The following KHDRBS2 variants were observed in gnomAD, a reference collection of about 807,000 sequenced individuals.
The protein encoded by KHDRBS2 is KH RNA binding domain containing, signal transduction associated 2, also known as KH domain-containing, RNA-binding, signal transduction-associated protein 2.
A neutral mutation model predicts 44.3 loss-of-function variants in KHDRBS2; 26 were observed. That is an observed-to-expected ratio of 0.59 (90% CI 0.43 to 0.81). KHDRBS2 has a LOEUF of 0.81. Ranked by LOEUF, KHDRBS2 falls within the 40% of genes least tolerant of loss-of-function variation. The pLI is 0.00. For missense variants in KHDRBS2, 476 were observed against 433.1 expected (o/e 1.10, Z -0.88); for synonymous variants, 194 against 151.1 (o/e 1.28, Z -2.08).
intron 2 of KHDRBS2, among the ~76,000 whole-genome samples, chr6:62,120,838 C>T (rs139613836): frequency 1.3e-4 from 20 of 152,224 alleles, no homozygotes; most frequent in Middle Eastern, 3.4e-3. Context: ...GAGGAAGGAC[C>T]CCACTACATT....
chr6:62,180,188 G>T (rs1298678005), intron 1 of KHDRBS2, among the ~76,000 whole-genome samples: 1 of 151,830 alleles, frequency 6.6e-6, no homozygotes, highest in African/African-American at 2.4e-5. Context: ...ACTACTGGAA[G>T]ACCTAACCAG....
At chr6:62,054,606 A>C (rs1789846575) in intron 2 of KHDRBS2, among the ~76,000 whole-genome samples, 1 of 152,070 alleles carries the variant, frequency 6.6e-6, no homozygotes, top group Admixed American at 6.6e-5. Flanking sequence ...GGGTCAGAGA[A>C]GGAGATGTGA....
the KHDRBS2 span, among the ~76,000 whole-genome samples, chr6:61,599,797 TC>T: frequency 6.6e-6 from 1 of 152,160 alleles, no homozygotes; most frequent in Non-Finnish European, 1.5e-5. Flanking sequence ...CTGTTCCCAG[TC>T]CTTTCACACT....
chr6:61,973,779 T>C (rs1771923978), intron 4 of KHDRBS2, among the ~76,000 whole-genome samples: 2 of 152,196 alleles, frequency 1.3e-5, no homozygotes, highest in African/African-American at 2.4e-5. Context: ...AAGCCTGGCA[T>C]GGCAAAATTT....
intron 3 of KHDRBS2, among the ~76,000 whole-genome samples, chr6:62,014,490 T>A (rs1370986218): frequency 6.6e-6 from 1 of 152,150 alleles, no homozygotes; most frequent in Admixed American, 6.6e-5. Flanking sequence ...CCTGAAAGTA[T>A]AAACATAACA....
the KHDRBS2 span, among the ~76,000 whole-genome samples, chr6:61,559,962 A>T: frequency 6.6e-6 from 1 of 152,268 alleles, no homozygotes; most frequent in Non-Finnish European, 1.5e-5. Context: ...TTTCAGACTG[A>T]ATAACTCCAT....
chr6:62,165,172 C>G (rs1818412495), intron 2 of KHDRBS2, among the ~76,000 whole-genome samples: 1 of 151,408 alleles, frequency 6.6e-6, no homozygotes, highest in Non-Finnish European at 1.5e-5. Context: ...TCATTTCAAT[C>G]TTTTTTTGGA....
chr6:62,091,515 T>C (rs1366595413), intron 2 of KHDRBS2, among the ~76,000 whole-genome samples: 1 of 152,188 alleles, frequency 6.6e-6, no homozygotes, highest in Non-Finnish European at 1.5e-5. Flanking sequence ...ACAAGTTTCA[T>C]TTTCCTTTAA....
In KHDRBS2 at chr6:61,759,190, A is replaced by G. The variant is rs537974399; in HGVS notation, c.811-26426T>C. Among the ~76,000 whole-genome samples, 68 of 152,276 alleles carry G rather than the reference A, an allele frequency of 4.5e-4. 1 individual carries two copies. The South Asian group carries it at 0.013, about 30-fold the overall frequency. The stretch of plus-strand genomic sequence containing the variant: ...CAAAAGAGAAAATAAAACATTCTTA[A>G]CTAGACATCTGCTTGTATATACAGG... On this transcript the variant is annotated intron_variant, in intron 6 of 8. Transcript: ENST00000281156.
rs145162788 is a variant in KHDRBS2 at position 61,970,807 on chromosome 6, G to A, written c.483+7259C>T. Reference sequence around the variant, plus strand: ...TTCATGACCTTTTCACAAAGCTCTTGGAGCACTAAAAGCTGGAGACTGTAC... The same window carrying A: ...TTCATGACCTTTTCACAAAGCTCTTAGAGCACTAAAAGCTGGAGACTGTAC... On this transcript the variant is annotated intron_variant, in intron 4 of 8. Transcript: ENST00000281156. Among the ~76,000 whole-genome samples the A allele has an allele frequency of 2.1e-4, 32 of 152,168 alleles. No individual in the cohort carries two copies. In the Middle Eastern group the frequency reaches 0.01, roughly 49 times the overall value.
At chr6:61,812,055 T>C (rs1044676404) in intron 6 of KHDRBS2, among the ~76,000 whole-genome samples, 8 of 152,228 alleles carry the variant, frequency 5.3e-5, no homozygotes, top group African/African-American at 1.9e-4. Context: ...AAAAGATCTT[T>C]GTATCTTTCA....
chr6:61,815,525 T>C (rs1184562120), intron 6 of KHDRBS2, among the ~76,000 whole-genome samples: 3 of 152,168 alleles, frequency 2.0e-5, no homozygotes, highest in African/African-American at 7.2e-5. Flanking sequence ...TTCACATATT[T>C]AAAATGATCT....
intron 6 of KHDRBS2, among the ~76,000 whole-genome samples, chr6:61,848,233 A>G (rs1794697028): frequency 6.6e-6 from 1 of 151,478 alleles, no homozygotes; most frequent in Non-Finnish European, 1.5e-5. Flanking sequence ...ATTCTGATGC[A>G]GGTAGCCTGT....
chr6:61,666,818 T>C, the KHDRBS2 span, among the ~76,000 whole-genome samples: 5 of 151,498 alleles, frequency 3.3e-5, no homozygotes, highest in South Asian at 8.3e-4. Flanking sequence ...GTCCTTGCAA[T>C]GCACTTTAGC....
At chr6:62,221,080 T>C (rs115710651) in intron 1 of KHDRBS2, among the ~76,000 whole-genome samples, 1,688 of 150,880 alleles carry the variant, frequency 0.011, 32 homozygotes, top group African/African-American at 0.039. Flanking sequence ...CACTGACACA[T>C]AAAGGAACTG....
At chr6:62,201,386 C>T (rs1037778612) in intron 1 of KHDRBS2, among the ~76,000 whole-genome samples, 1 of 152,024 alleles carries the variant, frequency 6.6e-6, no homozygotes, top group African/African-American at 2.4e-5. Flanking sequence ...TAAGAAGGGG[C>T]TGTGAATCAT....
the KHDRBS2 span, among the ~76,000 whole-genome samples, chr6:61,603,624 A>C: frequency 6.6e-6 from 1 of 152,158 alleles, no homozygotes; most frequent in Non-Finnish European, 1.5e-5. Flanking sequence ...TAATACTTTT[A>C]GAGGCCCTCA....
intron 1 of KHDRBS2, among the ~76,000 whole-genome samples, chr6:62,251,885 AAAT>A (rs1334042799): frequency 5.3e-5 from 8 of 151,932 alleles, no homozygotes; most frequent in Non-Finnish European, 1.0e-4. Context: ...GATAAAGCAT[AAAT>A]AATATTAAAA....
rs151078261 is a variant in KHDRBS2, at chr6:62,282,227, C to T, written c.91+3631G>A. The stretch of plus-strand genomic sequence containing the variant: ...TTGCATGTGTGGTAAGTATTAATCC[C>T]TCTTTTCTTAATATTTTTAAGATCT... On this transcript the variant is annotated intron_variant, in intron 1 of 8. Coordinates refer to ENST00000281156, the MANE Select transcript of KHDRBS2 (RefSeq NM_152688.4). Among the ~76,000 whole-genome samples, 219 of 152,180 alleles carry T rather than the reference C, an allele frequency of 1.4e-3. 1 individual carries two copies. The Middle Eastern group carries it at 0.034, about 24-fold the overall frequency.
Sources: allele counts gnomAD v4.1 joint callset (sites outside exome capture counted in the v4.1 genomes callset), GRCh38; gene constraint gnomAD v4.1.1; transcripts MANE v1.5; gene names NCBI Gene and HGNC (gene_info 2026-07-23, HGNC 2026-07-21).